CRABP1: variants seen among roughly 807,000 people sequenced by gnomAD.
The protein encoded by CRABP1 is cellular retinoic acid binding protein 1.
CRABP1 carries 9 observed loss-of-function variants against 16.4 expected under a neutral mutation model. That is an observed-to-expected ratio of 0.55 (90% CI 0.33 to 0.96). The LOEUF (loss-of-function observed/expected upper bound fraction) is 0.96. Among genes scored for constraint, CRABP1 ranks in the 40% least tolerant of loss-of-function variants. CRABP1 has a pLI of 0.03. For synonymous variants in CRABP1, 72 were observed against 70.4 expected, an observed-to-expected ratio of 1.02 and a Z score of -0.11; for missense variants, 157 against 186.0, an observed-to-expected ratio of 0.84 and a Z score of 0.91.
intron 3 of CRABP1, among the ~76,000 whole-genome samples, chr15:78,345,577 A>G (rs1449370072): frequency 6.6e-6 from 1 of 152,142 alleles, no homozygotes; most frequent in East Asian, 1.9e-4. Context: ...TCTGAGAAAG[A>G]GTGATTTTAT....
intron 3 of CRABP1, among the ~76,000 whole-genome samples, chr15:78,345,096 G>A (rs986455980): frequency 6.6e-6 from 1 of 152,140 alleles, no homozygotes; most frequent in African/African-American, 2.4e-5. Flanking sequence ...GAAATGTTGT[G>A]AATAGGAGAC....
At chr15:78,343,427 A>T in intron 2 of CRABP1, 72 bp from the exon 3 acceptor site, 1 of 1,171,628 alleles carries the variant, frequency 8.5e-7, no homozygotes, top group Non-Finnish European at 1.3e-6. Flanking sequence ...ATTATTTTTC[A>T]ATGCTCATTG....
At chr15:78,342,865 G>A (rs1363375319) in intron 2 of CRABP1, among the ~76,000 whole-genome samples, 2 of 152,172 alleles carry the variant, frequency 1.3e-5, no homozygotes, top group African/African-American at 4.8e-5. Context: ...TGGTTCTGAT[G>A]TGAAGGTTCT....
intron 1 of CRABP1, 60 bp from the exon 2 acceptor site, chr15:78,340,983 A>G: frequency 6.5e-7 from 1 of 1,543,712 alleles, no homozygotes; most frequent in Non-Finnish European, 8.7e-7. Flanking sequence ...CCAGTGCCCG[A>G]CCGGTCCCGA....
intron 3 of CRABP1, 55 bp from the exon 4 acceptor site, chr15:78,347,872 A>G: frequency 6.4e-7 from 1 of 1,565,558 alleles, no homozygotes; most frequent in Non-Finnish European, 8.8e-7. Context: ...TATGCTTTAA[A>G]CATTTTTGCA....
intron 3 of CRABP1, 44 bp downstream of exon 3, chr15:78,343,656 A>C: frequency 6.5e-7 from 1 of 1,532,926 alleles, no homozygotes; most frequent in Non-Finnish European, 9.0e-7. Context: ...GTTCCCCCAG[A>C]GGGGGCCCCA....
At chr15:78,343,915 T>C (rs1302880738) in intron 3 of CRABP1, among the ~76,000 whole-genome samples, 1 of 152,174 alleles carries the variant, frequency 6.6e-6, no homozygotes, top group African/African-American at 2.4e-5. Context: ...AGCTCCCCTC[T>C]CATCAGGCTT....
In CRABP1 at chr15:78,341,599, C is replaced by T. The variant is rs1307060302; in HGVS notation, c.249+378C>T. The T allele has an allele frequency of 3.3e-6, 1 of 305,390 alleles. No individual in the cohort carries two copies. Among genetic ancestry groups the T allele is most frequent in the Non-Finnish European group, 6.4e-6 (1 of 156,126 alleles). 18.9% of individuals were successfully genotyped at this position (305,390 alleles called of 1,614,324 possible). A position where few individuals can be genotyped will look rare whatever the true frequency, so the allele number is the denominator to read the frequency against. On this transcript the variant is annotated intron_variant, in intron 2 of 3. Transcript: ENST00000299529. The surrounding 1 kb of genome is among the most constrained non-coding windows in gnomAD (Gnocchi z 5.3). ...AGGTTCTCTGTCGCAGGTGAAGCCG[C>T]AGCTCTTGCATTCCTTTCCCGCCGT...
chr15:78,346,838 GC>G (rs911672477), intron 3 of CRABP1, among the ~76,000 whole-genome samples: 3 of 152,176 alleles, frequency 2.0e-5, no homozygotes, highest in Non-Finnish European at 4.4e-5. Context: ...ATAGCTAAAT[GC>G]CTCGTTTAGT....
Position 78,341,538 on chromosome 15 carries a change from G to A in CRABP1, c.249+317G>A. On this transcript the variant is annotated intron_variant, in intron 2 of 3. Transcript: ENST00000299529. The surrounding 1 kb of genome is among the most constrained non-coding windows in gnomAD (Gnocchi z 5.3). Reference sequence around the variant, plus strand: ...CAGCGGTTTGCAGCGCCAAGCGCAGGCGGCGCAGGAGGAGGAGGAGGTTGC... The same window carrying A: ...CAGCGGTTTGCAGCGCCAAGCGCAGACGGCGCAGGAGGAGGAGGAGGTTGC... 1 of 356,988 alleles carries A rather than the reference G, an allele frequency of 2.8e-6. No homozygotes were observed. Among genetic ancestry groups the A allele is most frequent in the Non-Finnish European group, 5.4e-6 (1 of 184,848 alleles). 22.1% of individuals were successfully genotyped at this position (356,988 alleles called of 1,614,324 possible).
intron 3 of CRABP1, among the ~76,000 whole-genome samples, chr15:78,346,987 G>GTT (rs202225866): frequency 5.1e-4 from 73 of 143,230 alleles, no homozygotes; most frequent in African/African-American, 1.7e-3. Flanking sequence ...CTTGGTTTTT[G>GTT]TTTTTGTTTT....
At chr15:78,340,740 G>A (rs917922884) in intron 1 of CRABP1, 2 of 603,380 alleles carry the variant, frequency 3.3e-6, no homozygotes, top group African/African-American at 3.7e-5. Context: ...CGATGGTGCG[G>A]ACTTTATCTC....
chr15:78,340,567 C>T, intron 1 of CRABP1, 69 bp downstream of exon 1: 3 of 1,547,458 alleles, frequency 1.9e-6, no homozygotes, highest in African/African-American at 1.4e-5. Flanking sequence ...CCCGGAAGTG[C>T]CCCGGTCCTG....
intron 2 of CRABP1, among the ~76,000 whole-genome samples, 197 bp from the exon 3 acceptor site, chr15:78,343,302 T>C (rs1211588726): frequency 2.0e-5 from 3 of 152,150 alleles, no homozygotes; most frequent in African/African-American, 7.2e-5. Flanking sequence ...ATACAAGGTG[T>C]ATTTATACCC....
chr15:78,345,322 T>C (rs1157062849), intron 3 of CRABP1, among the ~76,000 whole-genome samples: 6 of 152,196 alleles, frequency 3.9e-5, no homozygotes, highest in South Asian at 2.1e-4. Flanking sequence ...CTCTCTCCTC[T>C]TGTCCTTCCC....
At chr15:78,342,153 G>A (rs537899239) in intron 2 of CRABP1, among the ~76,000 whole-genome samples, 2 of 152,078 alleles carry the variant, frequency 1.3e-5, no homozygotes, top group African/African-American at 4.8e-5. Flanking sequence ...CCAGAAGCAG[G>A]CTGATCTAGG....
chr15:78,348,089 TC>T lies in CRABP1; in HGVS notation c.*115del. On this transcript the variant is annotated 3_prime_UTR_variant, in exon 4 of 4. Coordinates refer to ENST00000299529, the MANE Select transcript of CRABP1 (RefSeq NM_004378.3). ...CTTTTCCCCTACCAATATTAGGTGATCCCGTTTTCCCCATGACAATGTTGTA... is the reference window on the plus strand; with the variant it reads ...CTTTTCCCCTACCAATATTAGGTGATCCGTTTTCCCCATGACAATGTTGTA... 1.0e-6 allele frequency: 1 copy of T among 1,000,310 alleles called. No homozygotes were observed. Among genetic ancestry groups the T allele is most frequent in the Non-Finnish European group, 1.5e-6 (1 of 655,312 alleles). The allele number at this position is 1,000,310 out of a possible 1,614,324, so 62.0% of individuals were successfully genotyped here. A position where few individuals can be genotyped will look rare whatever the true frequency, so the allele number is the denominator to read the frequency against.
rs1268232506 is a variant in CRABP1, at chr15:78,340,392, G to A, written c.-37G>A. ...GAGCTCAGAGTGTGCCCGCTGCGCCGCCGCTGTCCGTACCTGCCGCCGCCG... is the reference window on the plus strand; with the variant it reads ...GAGCTCAGAGTGTGCCCGCTGCGCCACCGCTGTCCGTACCTGCCGCCGCCG... On this transcript the variant is annotated 5_prime_UTR_variant, in exon 1 of 4. Transcript: ENST00000299529. 2 of 1,564,300 alleles carry A rather than the reference G, an allele frequency of 1.3e-6. No homozygotes were observed. Among genetic ancestry groups the A allele is most frequent in the Non-Finnish European group, 1.7e-6 (2 of 1,155,566 alleles).
At chr15:78,345,480 T>A in intron 3 of CRABP1, among the ~76,000 whole-genome samples, 1 of 152,174 alleles carries the variant, frequency 6.6e-6, no homozygotes, top group South Asian at 2.1e-4. Context: ...AGAAAAGGCG[T>A]ATATGGTTTA....
Sources: gnomAD v4.1 joint callset for allele counts (sites outside exome capture counted in the v4.1 genomes callset) on GRCh38, gnomAD v4.1.1 for gene constraint, Gnocchi (gnomAD v3.1) non-coding constraint, MANE v1.5 for transcripts, NCBI Gene and HGNC (gene_info 2026-07-23, HGNC 2026-07-21) for gene names.